TXNDC16: variants seen among roughly 807,000 people sequenced by gnomAD.
TXNDC16 encodes the protein thioredoxin domain containing 16.
In TXNDC16, 74 loss-of-function variants were observed where a neutral mutation model predicts 85.6. That is an observed-to-expected ratio of 0.86 (90% CI 0.72 to 1.05). The LOEUF is 1.05. Ranked by LOEUF, TXNDC16 falls within the 50% of genes least tolerant of loss-of-function variation. TXNDC16 has a pLI of 0.00. For synonymous variants in TXNDC16, 335 were observed against 326.5 expected, an observed-to-expected ratio of 1.03 and a Z score of -0.28; for missense variants, 959 against 947.0, an observed-to-expected ratio of 1.01 and a Z score of -0.17.
At chr14:52,526,493 C>T (rs2037338786) in intron 6 of TXNDC16, among the ~76,000 whole-genome samples, 1 of 152,120 alleles carries the variant, frequency 6.6e-6, no homozygotes, top group African/African-American at 2.4e-5. Flanking sequence ...CTACACAGAC[C>T]AAATCTCCTG....
chr14:52,483,825 G>C (rs2140145722), intron 12 of TXNDC16, among the ~76,000 whole-genome samples: 1 of 152,252 alleles, frequency 6.6e-6, no homozygotes, highest in Non-Finnish European at 1.5e-5. Flanking sequence ...ATATTCTGTT[G>C]GAAGTTTGTA....
intron 16 of TXNDC16, among the ~76,000 whole-genome samples, chr14:52,469,707 C>A (rs1410190613): frequency 6.6e-6 from 1 of 152,106 alleles, no homozygotes. Flanking sequence ...CACGCCACTG[C>A]ACTCCAGCTT....
intron 15 of TXNDC16, 128 bp from the exon 16 acceptor site, chr14:52,470,301 A>T (rs1057230992): frequency 6.5e-6 from 6 of 922,152 alleles, no homozygotes; most frequent in Admixed American, 6.4e-5. Flanking sequence ...ATAGAAAATT[A>T]AATATTATTC....
At chr14:52,500,745 T>C in intron 9 of TXNDC16, among the ~76,000 whole-genome samples, 1 of 152,218 alleles carries the variant, frequency 6.6e-6, no homozygotes, top group East Asian at 1.9e-4. Context: ...TCTAATTTCC[T>C]ATATAAAAGA....
chr14:52,448,306 C>T lies in TXNDC16; in HGVS notation c.1842+7018G>A, dbSNP rs148170478. Among the ~76,000 whole-genome samples, 330 of 151,886 alleles carry T rather than the reference C, an allele frequency of 2.2e-3. 1 individual carries two copies. Among genetic ancestry groups the T allele is most frequent in the African/African-American group, 7.8e-3 (322 of 41,450 alleles). On this transcript the variant is annotated intron_variant, in intron 18 of 20. Transcript: ENST00000281741. Reference sequence around the variant, plus strand: ...TCCTAAAAGCAAGAGAAAAGAAATACAACACACAATGTAGCTCCAATACAC... The same window carrying T: ...TCCTAAAAGCAAGAGAAAAGAAATATAACACACAATGTAGCTCCAATACAC...
intron 3 of TXNDC16, among the ~76,000 whole-genome samples, 156 bp downstream of exon 3, chr14:52,543,242 A>G (rs2037870927): frequency 6.6e-6 from 1 of 152,220 alleles, no homozygotes; most frequent in African/African-American, 2.4e-5. Flanking sequence ...CCACAGGACA[A>G]GCGGCACGGG....
intron 18 of TXNDC16, among the ~76,000 whole-genome samples, chr14:52,453,600 C>G (rs985535934): frequency 1.2e-4 from 18 of 152,140 alleles, no homozygotes; most frequent in African/African-American, 3.9e-4. Context: ...AGCACATGTT[C>G]TCACTTATCT....
At chr14:52,464,057 C>T (rs988859168) in intron 16 of TXNDC16, among the ~76,000 whole-genome samples, 6 of 152,156 alleles carry the variant, frequency 3.9e-5, no homozygotes, top group Non-Finnish European at 7.3e-5. Flanking sequence ...TTTAACATTA[C>T]GTTTTTGACT....
intron 3 of TXNDC16, among the ~76,000 whole-genome samples, 196 bp downstream of exon 3, chr14:52,543,202 G>A (rs1195628290): frequency 6.6e-6 from 1 of 152,052 alleles, no homozygotes; most frequent in Non-Finnish European, 1.5e-5. Context: ...GAAAAACACA[G>A]AAAAGCTAAG....
chr14:52,460,832 T>C (rs1343809406), intron 16 of TXNDC16, among the ~76,000 whole-genome samples: 2 of 152,176 alleles, frequency 1.3e-5, no homozygotes, highest in Admixed American at 6.5e-5. Flanking sequence ...TGTTTTATTG[T>C]GTCTTATTAG....
intron 14 of TXNDC16, among the ~76,000 whole-genome samples, chr14:52,472,123 T>C (rs1243089926): frequency 6.6e-6 from 1 of 151,986 alleles, no homozygotes; most frequent in Non-Finnish European, 1.5e-5. Context: ...TTCTCATAGA[T>C]GTAATAACTT....
chr14:52,536,003 G>C (rs1026322238), intron 6 of TXNDC16, among the ~76,000 whole-genome samples: 2 of 151,474 alleles, frequency 1.3e-5, no homozygotes, highest in African/African-American at 4.9e-5. Flanking sequence ...CAGCCTGGGA[G>C]ACAAAGTGAG....
intron 14 of TXNDC16, among the ~76,000 whole-genome samples, chr14:52,475,806 C>T (rs150379077): frequency 1.8e-3 from 271 of 152,272 alleles, no homozygotes; most frequent in African/African-American, 6.2e-3. Flanking sequence ...CTGTTCCTCC[C>T]GATACCAATG....
intron 8 of TXNDC16, among the ~76,000 whole-genome samples, chr14:52,513,669 T>C (rs1318712125): frequency 1.3e-5 from 2 of 151,318 alleles, no homozygotes; most frequent in Admixed American, 6.6e-5. Flanking sequence ...TGTGTGTATA[T>C]ACATATATAT....
chr14:52,485,850 C>A (rs891356359), intron 12 of TXNDC16, among the ~76,000 whole-genome samples: 1 of 152,142 alleles, frequency 6.6e-6, no homozygotes, highest in South Asian at 2.1e-4. Context: ...CAGAAACTAT[C>A]CTCATCGTTA....
At chr14:52,515,009 A>C in intron 7 of TXNDC16, 39 bp from the exon 8 acceptor site, 2 of 1,501,366 alleles carry the variant, frequency 1.3e-6, no homozygotes, top group Non-Finnish European at 1.8e-6. Flanking sequence ...ACAGGAAAAA[A>C]TAGTTTGTGT....
chr14:52,478,423 C>T (rs991337091), intron 14 of TXNDC16, among the ~76,000 whole-genome samples: 1 of 151,946 alleles, frequency 6.6e-6, no homozygotes, highest in African/African-American at 2.4e-5. Context: ...AACTGATAGA[C>T]CATTAGCAAG....
rs200157023 is a variant in TXNDC16, at chr14:52,455,327, C to T, written c.1839G>A (p.Met613Ile). 6.2e-7 allele frequency: 1 copy of T among 1,613,412 alleles called. No homozygotes were observed. Among genetic ancestry groups the T allele is most frequent in the Non-Finnish European group, 8.5e-7 (1 of 1,179,674 alleles). The change falls in exon 18 of 21, where the codon ATG becomes ATA. Residue 613 changes from methionine (M) to isoleucine (I), a missense_variant. Coordinates refer to ENST00000281741, the MANE Select transcript of TXNDC16 (RefSeq NM_020784.3). Reference sequence around the variant, plus strand: ...CCTTATTATAAAACATACTCACAAACATTTCCAGTAGTGCATCTGTTATTA... The same window carrying T: ...CCTTATTATAAAACATACTCACAAATATTTCCAGTAGTGCATCTGTTATTA... ...VQIITDALLE[M>I]FPEITVENLP... is the part of the protein sequence containing the mutation.
intron 20 of TXNDC16, among the ~76,000 whole-genome samples, chr14:52,435,045 C>T (rs1389723783): frequency 6.6e-6 from 1 of 152,174 alleles, no homozygotes; most frequent in Non-Finnish European, 1.5e-5. Context: ...AGGATCTTTA[C>T]ATAGGTGATG....
Sources: allele counts gnomAD v4.1 joint callset (sites outside exome capture counted in the v4.1 genomes callset), GRCh38; gene constraint gnomAD v4.1.1; transcripts MANE v1.5; gene names NCBI Gene and HGNC (gene_info 2026-07-23, HGNC 2026-07-21).